The following BAZ1A variants were observed in gnomAD, a reference collection of about 807,000 sequenced individuals.
BAZ1A encodes the protein bromodomain adjacent to zinc finger domain 1A, also known as bromodomain adjacent to zinc finger domain protein 1A.
In BAZ1A, 50 loss-of-function variants were observed where a neutral mutation model predicts 185.2. The observed-to-expected ratio is 0.27, with a 90% CI of 0.22 to 0.34. The LOEUF is 0.34. BAZ1A is among the 10% of genes least tolerant of loss of function. The pLI is 1.00. For missense variants in BAZ1A, 1,356 were observed against 1,839.9 expected, an observed-to-expected ratio of 0.74 and a Z score of 4.81; for synonymous variants, 571 against 615.6, an observed-to-expected ratio of 0.93 and a Z score of 1.07.
intron 2 of BAZ1A, among the ~76,000 whole-genome samples, chr14:34,863,152 CTTTTTTTTTTTTTTTT>C (rs71121233): frequency 2.2e-5 from 1 of 44,690 alleles, no homozygotes; most frequent in Non-Finnish European, 4.8e-5. Flanking sequence ...CCACGCTCGG[CTTTTTTTTTTTTTTTT>C]TTTTTTTTTT....
At chr14:34,822,066 G>A (rs1367215816) in intron 4 of BAZ1A, among the ~76,000 whole-genome samples, 4 of 152,240 alleles carry the variant, frequency 2.6e-5, no homozygotes, top group South Asian at 2.1e-4. Context: ...AGACCAAGGC[G>A]GGTGTATCAC....
chr14:34,766,963 G>A (rs1230712388), intron 21 of BAZ1A, among the ~76,000 whole-genome samples: 1 of 152,152 alleles, frequency 6.6e-6, no homozygotes, highest in Non-Finnish European at 1.5e-5. Flanking sequence ...TAACCAGGCA[G>A]TTTGAAAAAG....
chr14:34,864,537 G>C (rs988075920), intron 2 of BAZ1A, among the ~76,000 whole-genome samples: 14 of 152,020 alleles, frequency 9.2e-5, no homozygotes, highest in African/African-American at 1.9e-4. Context: ...CTGGAGTGCA[G>C]TGGTGCGATC....
chr14:34,770,633 T>C (rs1879149707), intron 21 of BAZ1A, among the ~76,000 whole-genome samples: 1 of 152,216 alleles, frequency 6.6e-6, no homozygotes, highest in Non-Finnish European at 1.5e-5. Context: ...ACAGTTATGA[T>C]ATAAACATTG....
At chr14:34,827,531 C>T (rs1185097733) in intron 3 of BAZ1A, among the ~76,000 whole-genome samples, 2 of 151,658 alleles carry the variant, frequency 1.3e-5, no homozygotes, top group African/African-American at 2.4e-5. Context: ...GTCAGAAGAT[C>T]GAGACCATCC....
rs1175363920 is a variant in BAZ1A at position 34,798,159 on chromosome 14, C to G, written c.1128+2065G>C. Among the ~76,000 whole-genome samples, 3 of 152,244 alleles carry G rather than the reference C, an allele frequency of 2.0e-5. No homozygotes were observed. In the East Asian group the frequency reaches 5.8e-4, roughly 29 times the overall value. The stretch of plus-strand genomic sequence containing the variant: ...CTGCTGAGGGGCGTGTCCGCCATTG[C>G]TGAGGCTTGAGTAGGTAAACAAAGC... On this transcript the variant is annotated intron_variant, in intron 9 of 26. Transcript: ENST00000360310.
At chr14:34,816,764 G>A in intron 4 of BAZ1A, 1 of 412,424 alleles carries the variant, frequency 2.4e-6, no homozygotes, top group South Asian at 1.8e-5. Context: ...ACTAGTGACT[G>A]TCTGAGTCAG....
intron 4 of BAZ1A, among the ~76,000 whole-genome samples, chr14:34,822,461 A>G (rs1328267007): frequency 6.6e-6 from 1 of 152,000 alleles, no homozygotes; most frequent in African/African-American, 2.4e-5. Flanking sequence ...CCATCTGTAC[A>G]AAAAATACAG....
chr14:34,756,350 C>T (rs183904035), intron 25 of BAZ1A, among the ~76,000 whole-genome samples: 6 of 151,520 alleles, frequency 4.0e-5, no homozygotes, highest in East Asian at 1.9e-4. Flanking sequence ...CTCTTGACCT[C>T]GTGATCTGCC....
chr14:34,857,964 T>G (rs865814509), intron 3 of BAZ1A, among the ~76,000 whole-genome samples: 94 of 152,316 alleles, frequency 6.2e-4, no homozygotes, highest in African/African-American at 2.2e-3. Flanking sequence ...GCACTTCTAT[T>G]TGAAATTTGT....
intron 3 of BAZ1A, among the ~76,000 whole-genome samples, chr14:34,853,135 T>C (rs1463603861): frequency 2.0e-5 from 3 of 152,210 alleles, no homozygotes; most frequent in Non-Finnish European, 4.4e-5. Flanking sequence ...TGATATAATA[T>C]AGACACAAAA....
At chr14:34,863,148 T>C (rs2042798223) in intron 2 of BAZ1A, among the ~76,000 whole-genome samples, 2 of 118,646 alleles carry the variant, frequency 1.7e-5, no homozygotes, top group African/African-American at 3.2e-5. Context: ...GCCACCACGC[T>C]CGGCTTTTTT....
chr14:34,813,380 C>A (rs1045345076), intron 4 of BAZ1A, among the ~76,000 whole-genome samples: 1 of 151,950 alleles, frequency 6.6e-6, no homozygotes, highest in African/African-American at 2.4e-5. Context: ...CAGAGCAAGA[C>A]CCTGTCTCAA....
intron 12 of BAZ1A, among the ~76,000 whole-genome samples, chr14:34,791,269 T>C (rs925043466): frequency 2.0e-5 from 3 of 152,222 alleles, no homozygotes; most frequent in African/African-American, 7.2e-5. Context: ...TTTTCCACCA[T>C]GACTTCCAAA....
chr14:34,762,003 T>C lies in BAZ1A; in HGVS notation c.3997A>G (p.Ser1333Gly). The C allele has an allele frequency of 6.2e-7, 1 of 1,614,238 alleles. No homozygotes were observed. ...CCATGACTGTGGCGAGTAGAACGAC[T>C]GGCAATTCTTAAAGATTTTGTTTCT... ...PTETKSLRIA[S>G]RSTRHSHGPL... Residue 1333 changes from serine (S) to glycine (G), a missense_variant, in exon 24 of 27, where the codon AGT (serine) becomes GGT (glycine). Transcript: ENST00000360310.
chr14:34,797,257 A>G (rs983156163), intron 9 of BAZ1A, among the ~76,000 whole-genome samples: 20 of 152,158 alleles, frequency 1.3e-4, no homozygotes, highest in African/African-American at 4.8e-4. Context: ...AAATAAACAA[A>G]TCAAAGTGTT....
At chr14:34,782,285 T>C (rs1198221819) in intron 16 of BAZ1A, among the ~76,000 whole-genome samples, 1 of 152,232 alleles carries the variant, frequency 6.6e-6, no homozygotes, top group African/African-American at 2.4e-5. Flanking sequence ...AGTGGTATCT[T>C]ACTGTGGTTT....
chr14:34,814,859 C>T lies in BAZ1A; in HGVS notation c.537-3823G>A, dbSNP rs1047781450. 1.2e-3 allele frequency among the ~76,000 whole-genome samples: 184 copies of T among 151,622 alleles called. 1 individual carries two copies. Among genetic ancestry groups the T allele is most frequent in the African/African-American group, 7.3e-5 (3 of 41,214 alleles). ...TGCGGTCTCGGCTCACTGCAACCTC[C>T]GTTTCCTGGGTTCAAGAGATTCTCC... On this transcript the variant is annotated intron_variant, in intron 4 of 26. Transcript: ENST00000360310.
chr14:34,858,156 C>CA (rs1458298950), intron 3 of BAZ1A, among the ~76,000 whole-genome samples: 1 of 152,014 alleles, frequency 6.6e-6, no homozygotes, highest in Non-Finnish European at 1.5e-5. Context: ...GAACAAAAAA[C>CA]AAAGCATGGA....
Sources: allele counts gnomAD v4.1 joint callset (sites outside exome capture counted in the v4.1 genomes callset), GRCh38; gene constraint gnomAD v4.1.1; transcripts MANE v1.5; gene names NCBI Gene and HGNC (gene_info 2026-07-23, HGNC 2026-07-21).